Variants in JAZF1 observed in about 807,000 individuals in gnomAD.
The protein encoded by JAZF1 is juxtaposed with another zinc finger protein 1.
In JAZF1, 8 loss-of-function variants were observed where a neutral mutation model predicts 26.4. The observed-to-expected ratio is 0.30, with a 90% CI of 0.18 to 0.55. The LOEUF (loss-of-function observed/expected upper bound fraction) is 0.55, where lower values mean the gene tolerates loss of function less well. Among genes scored for constraint, JAZF1 ranks in the 20% least tolerant of loss-of-function variants. The probability of loss-of-function intolerance (pLI) is 0.94; values close to 1 mark genes in which losing one functional copy is unlikely to be tolerated. For synonymous variants in JAZF1, 126 were observed against 122.3 expected, an observed-to-expected ratio of 1.03 and a Z score of -0.20; for missense variants, 199 against 322.0, an observed-to-expected ratio of 0.62 and a Z score of 2.92.
rs980584568 is a variant in JAZF1 at position 28,046,899 on chromosome 7, A to G, written c.116-54918T>C. Among the ~76,000 whole-genome samples the G allele has an allele frequency of 4.6e-5, 7 of 152,232 alleles. No homozygotes were observed. The East Asian group carries it at 1.3e-3, about 29-fold the overall frequency. On this transcript the variant is annotated intron_variant, in intron 1 of 4. Transcript: ENST00000283928. ...GCTTTTTATGTTACATATGTTTCAC[A>G]TATTTTTCTCCCAGTTGGCCCTCCA...
chr7:28,048,312 T>C (rs914834535), intron 1 of JAZF1, among the ~76,000 whole-genome samples: 1 of 152,244 alleles, frequency 6.6e-6, no homozygotes, highest in Non-Finnish European at 1.5e-5. Context: ...AGATTAGTTT[T>C]ATTTAATCAA....
intron 1 of JAZF1, among the ~76,000 whole-genome samples, chr7:28,127,110 A>C (rs1172017912): frequency 6.6e-6 from 1 of 152,238 alleles, no homozygotes; most frequent in Non-Finnish European, 1.5e-5. Flanking sequence ...GCTTTTCATT[A>C]GAATTGACAG....
intron 2 of JAZF1, among the ~76,000 whole-genome samples, chr7:27,954,995 C>T (rs1034103605): frequency 1.2e-4 from 18 of 152,102 alleles, no homozygotes; most frequent in African/African-American, 3.1e-4. Context: ...CGACCTCAGG[C>T]GATCCACCTG....
intron 3 of JAZF1, among the ~76,000 whole-genome samples, chr7:27,864,778 G>A (rs965864506): frequency 7.9e-5 from 12 of 152,200 alleles, no homozygotes; most frequent in African/African-American, 2.2e-4. Flanking sequence ...AGCTCAGAGA[G>A]ACACCTTTCC....
intron 1 of JAZF1, among the ~76,000 whole-genome samples, chr7:28,025,047 G>A (rs969813377): frequency 6.6e-6 from 1 of 152,222 alleles, no homozygotes; most frequent in Admixed American, 6.5e-5. Flanking sequence ...CTCTGGGTCT[G>A]ACAAACTCAG....
chr7:28,043,807 A>G (rs997190088), intron 1 of JAZF1, among the ~76,000 whole-genome samples: 17 of 152,208 alleles, frequency 1.1e-4, no homozygotes, highest in Admixed American at 1.0e-3. Context: ...GCCATAAAAA[A>G]AAAAGATGTA....
At chr7:27,883,751 A>G (rs1783810968) in intron 3 of JAZF1, among the ~76,000 whole-genome samples, 1 of 152,250 alleles carries the variant, frequency 6.6e-6, no homozygotes, top group South Asian at 2.1e-4. Context: ...AAACACTTTC[A>G]GTCATTAACC....
At chr7:28,147,539 G>A (rs1326749018) in intron 1 of JAZF1, among the ~76,000 whole-genome samples, 2 of 151,002 alleles carry the variant, frequency 1.3e-5, no homozygotes, top group Admixed American at 1.3e-4. Context: ...CAAGACATCT[G>A]GAAAATAGAG....
chr7:28,062,310 T>C (rs1783810861), intron 1 of JAZF1, among the ~76,000 whole-genome samples: 1 of 152,112 alleles, frequency 6.6e-6, no homozygotes, highest in South Asian at 2.1e-4. Context: ...TGTTAGGCCT[T>C]GTCAGTAGAG....
At chr7:27,925,269 G>T (rs1784589145) in intron 2 of JAZF1, among the ~76,000 whole-genome samples, 1 of 152,168 alleles carries the variant, frequency 6.6e-6, no homozygotes, top group South Asian at 2.1e-4. Flanking sequence ...ATAAGGTGAA[G>T]CTAAATAGAA....
At chr7:28,081,770 C>T (rs1017220552) in intron 1 of JAZF1, among the ~76,000 whole-genome samples, 2 of 152,094 alleles carry the variant, frequency 1.3e-5, no homozygotes, top group Admixed American at 1.3e-4. Flanking sequence ...TATGTGTTTC[C>T]ATCTTTCCAG....
Position 27,982,242 on chromosome 7 carries a change from C to T in JAZF1, c.188+9667G>A, listed in dbSNP as rs111721332. ...AGATGGTACCTGGAAAATCGGGACA[C>T]TCCCATCCTAATACTGCACTTTTCC... On this transcript the variant is annotated intron_variant, in intron 2 of 4. Transcript: ENST00000283928. 5.5e-3 allele frequency among the ~76,000 whole-genome samples: 836 copies of T among 152,270 alleles called. 6 individuals carry two copies. The highest frequency in any genetic ancestry group is 8.8e-3 in the Non-Finnish European group (598 of 68,024).
intron 1 of JAZF1, among the ~76,000 whole-genome samples, chr7:28,004,010 C>T (rs1782654540): frequency 6.6e-6 from 1 of 152,294 alleles, no homozygotes; most frequent in Admixed American, 6.5e-5. Context: ...CCCCTACCCA[C>T]CCCTGCCAAC....
chr7:27,983,722 G>A (rs1474266171), intron 2 of JAZF1, among the ~76,000 whole-genome samples: 3 of 152,196 alleles, frequency 2.0e-5, no homozygotes, highest in Admixed American at 6.5e-5. Context: ...TACCCACAAC[G>A]GGAAGCCCAT....
intron 1 of JAZF1, among the ~76,000 whole-genome samples, chr7:28,081,715 T>C (rs1347905895): frequency 6.6e-6 from 1 of 152,120 alleles, no homozygotes; most frequent in African/African-American, 2.4e-5. Flanking sequence ...GCCAGGGAGT[T>C]TGTGATACTC....
intron 2 of JAZF1, among the ~76,000 whole-genome samples, chr7:27,987,883 C>T (rs1785764067): frequency 6.6e-6 from 1 of 152,188 alleles, no homozygotes; most frequent in South Asian, 2.1e-4. Flanking sequence ...AATCTATAAC[C>T]TTACCCCCAA....
intron 1 of JAZF1, among the ~76,000 whole-genome samples, chr7:28,176,678 G>C (rs1027270550): frequency 1.3e-5 from 2 of 152,006 alleles, no homozygotes; most frequent in Non-Finnish European, 2.9e-5. Flanking sequence ...TCATAACTTT[G>C]CCTGGCATAA....
intron 1 of JAZF1, among the ~76,000 whole-genome samples, chr7:28,158,158 CACACACACAA>C (rs1339377812): frequency 8.7e-6 from 1 of 115,252 alleles, no homozygotes; most frequent in African/African-American, 3.4e-5. Context: ...CGCACACACA[CACACACACAA>C]ACACACACAC....
At chr7:28,080,196 T>C (rs907592777) in intron 1 of JAZF1, among the ~76,000 whole-genome samples, 1 of 152,236 alleles carries the variant, frequency 6.6e-6, no homozygotes, top group African/African-American at 2.4e-5. Context: ...CTAAACTTCA[T>C]GAACCCAACT....
Sources: gnomAD v4.1 joint callset for allele counts (sites outside exome capture counted in the v4.1 genomes callset) on GRCh38, gnomAD v4.1.1 for gene constraint, MANE v1.5 for transcripts, NCBI Gene and HGNC (gene_info 2026-07-23, HGNC 2026-07-21) for gene names.